The following BCL2L14 variants were observed in gnomAD, a reference collection of about 807,000 sequenced individuals.
BCL2L14 encodes apoptosis facilitator Bcl-2-like protein 14.
BCL2L14 carries 27 observed loss-of-function variants against 35.3 expected under a neutral mutation model. The observed-to-expected ratio is 0.76, with a 90% CI of 0.56 to 1.05. The LOEUF (loss-of-function observed/expected upper bound fraction) is 1.05, where lower values mean the gene tolerates loss of function less well. BCL2L14 is among the 50% of genes least tolerant of loss of function. The pLI, the probability that BCL2L14 is intolerant of heterozygous loss-of-function variation, is 0.00. For synonymous variants in BCL2L14, 139 were observed against 145.9 expected (o/e 0.95, Z 0.34); for missense variants, 377 against 382.6 (o/e 0.99, Z 0.12).
chr12:12,080,500 T>A (rs561391654), intron 2 of BCL2L14, among the ~76,000 whole-genome samples: 1 of 147,590 alleles, frequency 6.8e-6, no homozygotes, highest in Non-Finnish European at 1.5e-5. Flanking sequence ...CATGCTTGTA[T>A]TCCCAGCTAC....
intron 2 of BCL2L14, among the ~76,000 whole-genome samples, chr12:12,056,394 C>T (rs940743460): frequency 3.3e-5 from 5 of 152,140 alleles, no homozygotes; most frequent in East Asian, 3.8e-4. Flanking sequence ...TTCTTTCTCC[C>T]GATCACTCCC....
intron 5 of BCL2L14, chr12:12,096,073 C>A: frequency 1.0e-6 from 1 of 985,280 alleles, no homozygotes; most frequent in Non-Finnish European, 1.2e-6. Context: ...CCTCATCTGC[C>A]CCAAAGCCTC....
At chr12:12,063,044 A>T (rs910681021) in intron 2 of BCL2L14, among the ~76,000 whole-genome samples, 1 of 152,158 alleles carries the variant, frequency 6.6e-6, no homozygotes, top group African/African-American at 2.4e-5. Context: ...TCCCATATAG[A>T]TGCTCCTTTT....
intron 2 of BCL2L14, among the ~76,000 whole-genome samples, chr12:12,052,155 T>C (rs1007147117): frequency 6.6e-6 from 1 of 152,230 alleles, no homozygotes. Flanking sequence ...ATTTGATGTT[T>C]TGATATAGGT....
chr12:12,064,465 T>C (rs1271476770), intron 2 of BCL2L14, among the ~76,000 whole-genome samples: 3 of 152,132 alleles, frequency 2.0e-5, no homozygotes, highest in African/African-American at 4.8e-5. Flanking sequence ...TCTTCATATG[T>C]AAAATGGGCA....
intron 1 of BCL2L14, among the ~76,000 whole-genome samples, chr12:12,072,690 A>C (rs1266603972): frequency 6.6e-6 from 1 of 152,144 alleles, no homozygotes; most frequent in African/African-American, 2.4e-5. Context: ...CCTTTCCATA[A>C]ACCCCAAAGT....
chr12:12,081,861 AG>A (rs2136753972), intron 2 of BCL2L14, among the ~76,000 whole-genome samples: 1 of 152,222 alleles, frequency 6.6e-6, no homozygotes, highest in East Asian at 1.9e-4. Flanking sequence ...CCAGCCGCAA[AG>A]CCAGATTTTA....
At chr12:12,063,736 A>C (rs1797649) in intron 2 of BCL2L14, among the ~76,000 whole-genome samples, 1 of 152,014 alleles carries the variant, frequency 6.6e-6, no homozygotes, top group Admixed American at 6.6e-5. Context: ...CTGCACGTAC[A>C]CATCCAGATG....
At chr12:12,063,536 G>C (rs1167237045) in intron 2 of BCL2L14, among the ~76,000 whole-genome samples, 1 of 151,646 alleles carries the variant, frequency 6.6e-6, no homozygotes, top group Non-Finnish European at 1.5e-5. Context: ...TCCCACTCTA[G>C]GTTCCCACGC....
At chr12:12,053,423 CTTTT>C (rs5796482) in intron 2 of BCL2L14, among the ~76,000 whole-genome samples, 1 of 148,766 alleles carries the variant, frequency 6.7e-6, no homozygotes, top group Non-Finnish European at 1.5e-5. Flanking sequence ...TCTTCTTCTT[CTTTT>C]TTTTTTTTTT....
intron 2 of BCL2L14, 52 bp from the exon 3 acceptor site, chr12:12,087,161 G>A (rs1482999482): frequency 6.3e-7 from 1 of 1,583,448 alleles, no homozygotes; most frequent in Non-Finnish European, 8.6e-7. Context: ...ATACCAATGA[G>A]CCAGATGAAG....
upstream of BCL2L14, among the ~76,000 whole-genome samples, chr12:12,069,393 C>T (rs1342599468): frequency 6.6e-6 from 1 of 152,020 alleles, no homozygotes. Flanking sequence ...CATCGTCTCC[C>T]CCCAAAAAAA....
At chr12:12,068,117 A>AG (rs570596712), upstream of BCL2L14, 3,865 of 397,914 alleles carry the variant, frequency 9.7e-3, 34 homozygotes, top group Non-Finnish European at 0.013. Context: ...CTAACTTTTT[A>AG]TTTTTTTGTA....
At chr12:12,092,615 TCTTTGTGGC>T (rs1949213853) in intron 4 of BCL2L14, among the ~76,000 whole-genome samples, 1 of 152,156 alleles carries the variant, frequency 6.6e-6, no homozygotes, top group African/African-American at 2.4e-5. Flanking sequence ...GGAAGCCCTG[TCTTTGTGGC>T]GTTTGATTCT....
At chr12:12,097,013 A>G (rs145610337) in intron 5 of BCL2L14, among the ~76,000 whole-genome samples, 2,307 of 152,258 alleles carry the variant, frequency 0.015, 59 homozygotes, top group African/African-American at 0.052. Context: ...GCATGGTGGC[A>G]GGTGCCTGTA....
intron 3 of BCL2L14, 130 bp from the exon 4 acceptor site, chr12:12,090,646 TAAA>T (rs76419621): frequency 8.4e-5 from 27 of 321,522 alleles, no homozygotes; most frequent in Non-Finnish European, 1.1e-4. Flanking sequence ...AAATAAAAAA[TAAA>T]AAAAAAAAAA....
intron 2 of BCL2L14, among the ~76,000 whole-genome samples, chr12:12,083,773 C>T (rs911953713): frequency 2.6e-4 from 40 of 152,012 alleles, no homozygotes; most frequent in Admixed American, 4.6e-4. Context: ...GACAAAACCC[C>T]GTCTCTATTA....
chr12:12,087,151 A>T, intron 2 of BCL2L14, 62 bp from the exon 3 acceptor site: 1 of 1,559,654 alleles, frequency 6.4e-7, no homozygotes, highest in Non-Finnish European at 8.8e-7. Flanking sequence ...GCAACTTTGC[A>T]TACCAATGAG....
chr12:12,088,409 T>A (rs1233414250), intron 3 of BCL2L14, among the ~76,000 whole-genome samples: 3 of 152,034 alleles, frequency 2.0e-5, no homozygotes, highest in African/African-American at 7.2e-5. Flanking sequence ...CCCAGCGCCA[T>A]GTTGTCTGCT....
Sources: allele counts gnomAD v4.1 joint callset (sites outside exome capture counted in the v4.1 genomes callset), GRCh38; gene constraint gnomAD v4.1.1; transcripts MANE v1.5; gene names NCBI Gene and HGNC (gene_info 2026-07-23, HGNC 2026-07-21).